ELMO1: variants seen among roughly 807,000 people sequenced by gnomAD.
ELMO1 encodes the protein engulfment and cell motility protein 1.
ELMO1 carries 26 observed loss-of-function variants against 98.9 expected under a neutral mutation model. That is an observed-to-expected ratio of 0.26 (90% CI 0.19 to 0.36). The LOEUF is 0.36. Among genes scored for constraint, ELMO1 ranks in the 10% least tolerant of loss-of-function variants. The probability of loss-of-function intolerance (pLI) is 1.00; values close to 1 mark genes in which losing one functional copy is unlikely to be tolerated. For missense variants in ELMO1, 627 were observed against 935.2 expected (o/e 0.67, Z 4.30); for synonymous variants, 346 against 346.0 (o/e 1.00, Z 0.00).
intron 11 of ELMO1, 67 bp downstream of exon 11, chr7:37,216,578 G>T: frequency 6.4e-7 from 1 of 1,571,840 alleles, no homozygotes; most frequent in Middle Eastern, 1.7e-4. Context: ...GAAGCCAAAA[G>T]AAGAGATTAA....
intron 14 of ELMO1, among the ~76,000 whole-genome samples, chr7:37,110,895 C>T (rs1458144418): frequency 1.3e-5 from 2 of 152,218 alleles, no homozygotes; most frequent in South Asian, 2.1e-4. Flanking sequence ...TGGTGGTGAG[C>T]GTAGGGGATT....
chr7:37,062,931 C>T (rs1796745517), intron 15 of ELMO1, among the ~76,000 whole-genome samples: 1 of 152,144 alleles, frequency 6.6e-6, no homozygotes, highest in Admixed American at 6.5e-5. Context: ...CTGGTATGAC[C>T]TGACCAGCTG....
intron 16 of ELMO1, among the ~76,000 whole-genome samples, chr7:37,002,660 AT>A (rs1302004729): frequency 1.6e-4 from 25 of 152,360 alleles, no homozygotes; most frequent in African/African-American, 5.8e-4. Context: ...GTAGACACAA[AT>A]AAATATCTGT....
chr7:37,137,394 G>A (rs1182376949), intron 13 of ELMO1, among the ~76,000 whole-genome samples: 1 of 152,014 alleles, frequency 6.6e-6, no homozygotes, highest in Non-Finnish European at 1.5e-5. Context: ...AGAAACAATG[G>A]ACTTAAACTA....
intron 15 of ELMO1, among the ~76,000 whole-genome samples, chr7:37,070,617 T>TC (rs762965300): frequency 5.6e-4 from 86 of 152,310 alleles, no homozygotes; most frequent in Non-Finnish European, 9.6e-4. Context: ...TCATCTGTGG[T>TC]CCCACGTGTC....
chr7:36,985,212 A>G (rs1382882160), intron 16 of ELMO1: 12 of 701,528 alleles, frequency 1.7e-5, no homozygotes, highest in Non-Finnish European at 2.1e-5. Context: ...CTTGAATATA[A>G]CTTTGCAAAC....
intron 13 of ELMO1, among the ~76,000 whole-genome samples, chr7:37,175,460 G>A (rs961661943): frequency 6.6e-5 from 10 of 152,242 alleles, no homozygotes; most frequent in Middle Eastern, 3.4e-3. Context: ...TGAGACGGGC[G>A]GCCCACCATG....
At chr7:37,183,985 T>TA (rs1370377076) in intron 13 of ELMO1, among the ~76,000 whole-genome samples, 2 of 152,220 alleles carry the variant, frequency 1.3e-5, no homozygotes, top group Non-Finnish European at 2.9e-5. Flanking sequence ...CCAACACCTC[T>TA]AATTTCTCTG....
At chr7:37,223,088 G>A (rs1176815931) in intron 9 of ELMO1, among the ~76,000 whole-genome samples, 1 of 152,210 alleles carries the variant, frequency 6.6e-6, no homozygotes, top group Non-Finnish European at 1.5e-5. Context: ...ATATATCAGG[G>A]AGTAGTTTCA....
intron 16 of ELMO1, among the ~76,000 whole-genome samples, chr7:36,952,868 C>A (rs975409348): frequency 6.6e-6 from 1 of 151,868 alleles, no homozygotes; most frequent in Non-Finnish European, 1.5e-5. Flanking sequence ...TTTGTTATTC[C>A]CAAAGCATTT....
In ELMO1 at chr7:37,293,177, G is replaced by C. The variant is rs1393745511; in HGVS notation, c.193-21295C>G. ...TGCCTGGCCGCGCCTACTGGGAAGT[G>C]AGGAGCCCCTCTGCCCGGCCACCAC... On this transcript the variant is annotated intron_variant, in intron 4 of 21. Coordinates refer to ENST00000310758, the MANE Select transcript of ELMO1 (RefSeq NM_014800.11). Among the ~76,000 whole-genome samples, 37 of 104,930 alleles carry C rather than the reference G, an allele frequency of 3.5e-4. 4 individuals carry two copies. Among genetic ancestry groups the C allele is most frequent in the African/African-American group, 1.0e-3 (34 of 33,474 alleles). 68.8% of individuals were successfully genotyped at this position (104,930 alleles called of 152,430 possible). A position where few individuals can be genotyped will look rare whatever the true frequency, so the allele number is the denominator to read the frequency against.
At chr7:37,132,964 C>A in intron 14 of ELMO1, 166 bp downstream of exon 14, 1 of 446,690 alleles carries the variant, frequency 2.2e-6, no homozygotes. Flanking sequence ...CATTTCAGTC[C>A]CCTGATTGAT....
chr7:36,975,601 C>T (rs563959782), intron 16 of ELMO1, among the ~76,000 whole-genome samples: 3 of 152,156 alleles, frequency 2.0e-5, no homozygotes, highest in East Asian at 1.9e-4. Flanking sequence ...AATCCCAGCA[C>T]TTTGGGAGGC....
At chr7:36,931,755 C>T (rs1786061666) in intron 16 of ELMO1, among the ~76,000 whole-genome samples, 2 of 152,172 alleles carry the variant, frequency 1.3e-5, no homozygotes, top group South Asian at 2.1e-4. Context: ...GCAACCTGAA[C>T]ACAAATCCAA....
At chr7:37,160,966 A>G (rs933167404) in intron 13 of ELMO1, among the ~76,000 whole-genome samples, 6 of 152,162 alleles carry the variant, frequency 3.9e-5, no homozygotes, top group African/African-American at 1.2e-4. Context: ...TCTTAGAAGG[A>G]AAGTTCACCT....
intron 14 of ELMO1, among the ~76,000 whole-genome samples, chr7:37,126,883 G>A (rs912716136): frequency 2.0e-5 from 3 of 152,140 alleles, no homozygotes; most frequent in South Asian, 2.1e-4. Flanking sequence ...ACTTTTTAGC[G>A]CCTAAGAAGA....
Position 37,096,654 on chromosome 7 carries a change from T to C in ELMO1, c.1265A>G (p.Lys422Arg), listed in dbSNP as rs1375286492. The change falls in exon 15 of 22, where the codon AAG (lysine) becomes AGG (arginine). Residue 422 changes from lysine (K) to arginine (R), a missense_variant. Physicochemically the swap from Lys to Arg is conservative, Grantham distance 26. This residue lies in a region of ELMO1 where 492 missense variants were observed against 715.6 expected (regional missense o/e 0.69). Coordinates refer to ENST00000310758, the MANE Select transcript of ELMO1 (RefSeq NM_014800.11). ...CACTTTCAAGATCTCACATAGCATC[T>C]TGGTCAGCTCTATACTACTGCGGCC... ...PFGRSSIELT[K>R]MLCEILKVGE... 6.2e-7 allele frequency: 1 copy of C among 1,614,152 alleles called. No homozygotes were observed.
intron 13 of ELMO1, among the ~76,000 whole-genome samples, chr7:37,201,707 A>T (rs1221385871): frequency 1.3e-5 from 2 of 152,262 alleles, no homozygotes. Context: ...ATGTCCCAGC[A>T]GCTGGTCAGC....
chr7:37,176,147 A>G (rs1790486746), intron 13 of ELMO1, among the ~76,000 whole-genome samples: 1 of 152,228 alleles, frequency 6.6e-6, no homozygotes, highest in African/African-American at 2.4e-5. Flanking sequence ...ACAATGGGCT[A>G]GGCAAATTAA....
Sources: gnomAD v4.1 joint callset for allele counts (sites outside exome capture counted in the v4.1 genomes callset) on GRCh38, gnomAD v4.1.1 for gene constraint, gnomAD v4.1.1 regional missense constraint, MANE v1.5 for transcripts, NCBI Gene and HGNC (gene_info 2026-07-23, HGNC 2026-07-21) for gene names.